The following SLC22A24 variants were observed in gnomAD, a reference collection of about 807,000 sequenced individuals.
SLC22A24 encodes the protein steroid transmembrane transporter SLC22A24.
A neutral mutation model predicts 49.8 loss-of-function variants in SLC22A24; 53 were observed. That is an observed-to-expected ratio of 1.06 (90% CI 0.85 to 1.34). The LOEUF (loss-of-function observed/expected upper bound fraction) is 1.34, where lower values mean the gene tolerates loss of function less well. Among genes scored for constraint, SLC22A24 ranks in the 40% most tolerant of loss-of-function variants. The pLI is 0.00. For synonymous variants in SLC22A24, 302 were observed against 256.4 expected (o/e 1.18, Z -1.70); for missense variants, 786 against 675.9 (o/e 1.16, Z -1.81).
Position 63,143,515 on chromosome 11 carries a change from G to A in SLC22A24, c.265C>T (p.Gln89Ter). ...TGCCACTGGGGATGGATAAAGCGCTGACACTTCTGTGGCCTCAGGTTTGAG... is the reference window on the plus strand; with the variant it reads ...TGCCACTGGGGATGGATAAAGCGCTAACACTTCTGTGGCCTCAGGTTTGAG... ...LDSNLRPQKC[Q>*]RFIHPQWQLL... The change falls in exon 1 of 10, where the codon CAG becomes TAG. Residue 89 changes from glutamine to a stop codon, truncating the protein, a stop_gained. Transcript: ENST00000612278. LOFTEE classifies it high-confidence loss of function. 1 of 1,599,606 alleles carries A rather than the reference G, an allele frequency of 6.3e-7. No individual in the cohort carries two copies. Among genetic ancestry groups the A allele is most frequent in the Non-Finnish European group, 8.5e-7 (1 of 1,173,582 alleles).
At chr11:63,090,894 T>A (rs1049210088) in intron 6 of SLC22A24, among the ~76,000 whole-genome samples, 9 of 151,786 alleles carry the variant, frequency 5.9e-5, no homozygotes, top group African/African-American at 1.9e-4. Context: ...AGCAAACAAA[T>A]TCAAAAGCTA....
intron 4 of SLC22A24, among the ~76,000 whole-genome samples, chr11:63,117,818 A>G (rs1055273075): frequency 1.3e-5 from 2 of 152,230 alleles, no homozygotes; most frequent in African/African-American, 4.8e-5. Flanking sequence ...AGAGTAGGCT[A>G]TAAGTAGTTC....
intron 9 of SLC22A24, among the ~76,000 whole-genome samples, chr11:63,080,545 C>G (rs2086953294): frequency 6.6e-6 from 1 of 152,144 alleles, no homozygotes; most frequent in East Asian, 1.9e-4. Flanking sequence ...ACTCATTGAG[C>G]CAATGTGTGA....
chr11:63,126,940 G>T (rs2087295447), intron 2 of SLC22A24, among the ~76,000 whole-genome samples: 1 of 152,050 alleles, frequency 6.6e-6, no homozygotes, highest in Non-Finnish European at 1.5e-5. Context: ...CTCAGGATTT[G>T]GCTCTCAGTT....
At chr11:63,100,617 A>T (rs139321188) in intron 5 of SLC22A24, among the ~76,000 whole-genome samples, 2 of 152,140 alleles carry the variant, frequency 1.3e-5, no homozygotes, top group Non-Finnish European at 2.9e-5. Context: ...TCTGAGTAAA[A>T]AGAATAAAAC....
intron 2 of SLC22A24, among the ~76,000 whole-genome samples, chr11:63,122,342 T>A (rs980797218): frequency 6.6e-6 from 1 of 152,110 alleles, no homozygotes; most frequent in South Asian, 2.1e-4. Context: ...GAAAGATGGG[T>A]GCCCTGTAGA....
intron 4 of SLC22A24, among the ~76,000 whole-genome samples, chr11:63,114,914 G>A (rs1225532412): frequency 1.3e-5 from 2 of 152,182 alleles, no homozygotes; most frequent in Non-Finnish European, 2.9e-5. Flanking sequence ...AAATATTGCT[G>A]CCTAATCCTT....
chr11:63,120,413 C>T (rs1214645310), intron 2 of SLC22A24, among the ~76,000 whole-genome samples: 1 of 150,946 alleles, frequency 6.6e-6, no homozygotes, highest in Admixed American at 6.6e-5. Flanking sequence ...TGTAACTAAC[C>T]TGCACAATGT....
rs551449779 is a variant in SLC22A24, at chr11:63,129,778, T to A, written c.506+4887A>T. Among the ~76,000 whole-genome samples, 13 of 142,488 alleles carry A rather than the reference T, an allele frequency of 9.1e-5. No individual in the cohort carries two copies. In the East Asian group the frequency reaches 2.5e-3, roughly 27 times the overall value. The allele number at this position is 142,488 out of a possible 152,430, so 93.5% of individuals were successfully genotyped here. A position where few individuals can be genotyped will look rare whatever the true frequency, so the allele number is the denominator to read the frequency against. Reference sequence around the variant, plus strand: ...TTCACTCATGATTTGGCTCTCTGTTTGTCTGTTATTGGTGTGTAGCAATGC... The same window carrying A: ...TTCACTCATGATTTGGCTCTCTGTTAGTCTGTTATTGGTGTGTAGCAATGC... On this transcript the variant is annotated intron_variant, in intron 2 of 9. Transcript: ENST00000612278.
At chr11:63,080,051 T>C (rs2086950285) in intron 9 of SLC22A24, 51 bp from the exon 10 acceptor site, 1 of 1,231,650 alleles carries the variant, frequency 8.1e-7, no homozygotes, top group South Asian at 1.3e-5. Flanking sequence ...AAAAAATAAA[T>C]AAGATATAGA....
intron 2 of SLC22A24, among the ~76,000 whole-genome samples, chr11:63,119,733 C>T (rs1162106132): frequency 6.6e-6 from 1 of 152,162 alleles, no homozygotes; most frequent in Non-Finnish European, 1.5e-5. Context: ...TGGGTCTCTG[C>T]ACTGTCCAGG....
At chr11:63,088,875 G>GA (rs1383347026) in intron 6 of SLC22A24, among the ~76,000 whole-genome samples, 1 of 151,892 alleles carries the variant, frequency 6.6e-6, no homozygotes, top group South Asian at 2.1e-4. Context: ...AAAGATTAGA[G>GA]AAAAAAGAAT....
intron 1 of SLC22A24, among the ~76,000 whole-genome samples, chr11:63,135,684 T>C (rs917911433): frequency 6.6e-6 from 1 of 152,248 alleles, no homozygotes; most frequent in African/African-American, 2.4e-5. Context: ...TATTTTATGT[T>C]TATTTTTGAC....
Position 63,144,086 on chromosome 11 carries a change from C to G in SLC22A24, c.-307G>C, listed in dbSNP as rs1423841891. ...TTAAAAGACTACTCTGTGAAAGATCCTGATCTCTGAGTTTCCTGATAAGTC... is the reference window on the plus strand; with the variant it reads ...TTAAAAGACTACTCTGTGAAAGATCGTGATCTCTGAGTTTCCTGATAAGTC... On this transcript the variant is annotated 5_prime_UTR_variant, in exon 1 of 10. Transcript: ENST00000612278. 1 of 221,342 alleles carries G rather than the reference C, an allele frequency of 4.5e-6. No homozygotes were observed. The highest frequency in any genetic ancestry group is 2.3e-5 in the African/African-American group (1 of 44,212). The allele number at this position is 221,342 out of a possible 1,614,324, so 13.7% of individuals were successfully genotyped here.
At chr11:63,100,457 T>G (rs1045694962) in intron 5 of SLC22A24, among the ~76,000 whole-genome samples, 26 of 152,272 alleles carry the variant, frequency 1.7e-4, no homozygotes, top group African/African-American at 6.0e-4. Context: ...TGTTCATGGA[T>G]TGGATTAATC....
At chr11:63,133,925 G>T (rs991785732) in intron 2 of SLC22A24, among the ~76,000 whole-genome samples, 1 of 152,138 alleles carries the variant, frequency 6.6e-6, no homozygotes, top group South Asian at 2.1e-4. Context: ...TATTATGGGC[G>T]TGAGCCACCG....
intron 2 of SLC22A24, among the ~76,000 whole-genome samples, chr11:63,125,644 A>G (rs2087285122): frequency 6.6e-6 from 1 of 152,216 alleles, no homozygotes; most frequent in African/African-American, 2.4e-5. Context: ...TTATAGTAGC[A>G]TGATTTATAA....
intron 4 of SLC22A24, among the ~76,000 whole-genome samples, chr11:63,109,378 G>A (rs1285442838): frequency 4.0e-4 from 58 of 146,620 alleles, no homozygotes; most frequent in Non-Finnish European, 6.3e-4. Context: ...GGGATGGCTG[G>A]GTCAAATGGT....
At chr11:63,093,002 C>A (rs1025641390) in intron 6 of SLC22A24, among the ~76,000 whole-genome samples, 4 of 151,142 alleles carry the variant, frequency 2.6e-5, no homozygotes, top group Non-Finnish European at 4.4e-5. Flanking sequence ...TACAAGAAAA[C>A]AAACAACCCC....
Sources: allele counts gnomAD v4.1 joint callset (sites outside exome capture counted in the v4.1 genomes callset), GRCh38; gene constraint gnomAD v4.1.1; transcripts MANE v1.5; gene names NCBI Gene and HGNC (gene_info 2026-07-23, HGNC 2026-07-21).